Variants in STS observed in about 807,000 individuals in gnomAD.
STS encodes the protein steroid sulfatase.
In STS, 7 loss-of-function variants were observed where a neutral mutation model predicts 26.8. That is an observed-to-expected ratio of 0.26 (90% CI 0.15 to 0.49). STS has a LOEUF of 0.49. STS is among the 20% of genes least tolerant of loss of function. The pLI is 0.98. For synonymous variants in STS, 199 were observed against 189.4 expected (o/e 1.05, Z -0.42); for missense variants, 434 against 465.6 (o/e 0.93, Z 0.63).
intron 7 of STS, among the ~76,000 whole-genome samples, chrX:7,289,058 C>A (rs1925284437): frequency 8.9e-6 from 1 of 111,785 alleles, no homozygotes; most frequent in Non-Finnish European, 1.9e-5. Flanking sequence ...ATGAGGTCCT[C>A]ATGGTGGTCG....
At chrX:7,166,933 G>A (rs1933362763) in intron 1 of STS, among the ~76,000 whole-genome samples, 1 of 112,119 alleles carries the variant, frequency 8.9e-6, no homozygotes, top group Non-Finnish European at 1.9e-5. Context: ...TGGTTAAGTT[G>A]TATAGTGTTG....
chrX:7,297,319 C>T (rs748432813), intron 7 of STS, among the ~76,000 whole-genome samples: 2 of 107,356 alleles, frequency 1.9e-5, no homozygotes, highest in African/African-American at 6.8e-5. Context: ...TCAGAACCTT[C>T]ATTTTAGCAT....
chrX:7,274,391 G>C (rs1261651778), intron 6 of STS, among the ~76,000 whole-genome samples: 1 of 111,433 alleles, frequency 9.0e-6, no homozygotes, highest in Non-Finnish European at 1.9e-5. Flanking sequence ...CACTTGTCCT[G>C]TTCCCTGATA....
At chrX:7,204,926 C>G (rs771599946) in intron 2 of STS, among the ~76,000 whole-genome samples, 9 of 108,379 alleles carry the variant, frequency 8.3e-5, no homozygotes, top group African/African-American at 2.0e-4. Flanking sequence ...GCTCCCTAAT[C>G]AGTTACTTAT....
chrX:7,353,699 A>G lies in STS; in HGVS notation c.*3438A>G, dbSNP rs1325212167. On this transcript the variant is annotated 3_prime_UTR_variant, in exon 11 of 11. Transcript: ENST00000674429. ...GAAATTGGAGTGAGAAGGGCATGGT[A>G]TTGGGACTAGGATCGGCTCTCATTC... 2 of 111,387 alleles carry G rather than the reference A, an allele frequency of 1.8e-5. No homozygotes were observed. Among genetic ancestry groups the G allele is most frequent in the Admixed American group, 9.6e-5 (1 of 10,418 alleles). The allele number at this position is 111,387 out of a possible 1,213,427, so 9.2% of individuals were successfully genotyped here. A position where few individuals can be genotyped will look rare whatever the true frequency, so the allele number is the denominator to read the frequency against.
chrX:7,290,402 T>G (rs1925357041), intron 7 of STS, among the ~76,000 whole-genome samples: 1 of 112,060 alleles, frequency 8.9e-6, no homozygotes, highest in African/African-American at 3.2e-5. Context: ...CGTTCTTCTC[T>G]CACTATATAC....
In STS at chrX:7,240,045, C is replaced by T. The variant is rs371652371; in HGVS notation, c.-4-13151C>T. ...GACTACAGGCAAGCACCACCACGCC[C>T]GGCAGATTTTTTGTACTTTTAGTAG... On this transcript the variant is annotated intron_variant, in intron 2 of 10. Transcript: ENST00000674429. Among the ~76,000 whole-genome samples the T allele has an allele frequency of 7.3e-5, 8 of 109,157 alleles. No individual in the cohort carries two copies. In the South Asian group the frequency reaches 1.3e-3, roughly 17 times the overall value. The allele number at this position is 109,157 out of a possible 115,157, so 94.8% of individuals were successfully genotyped here.
At chrX:7,306,934 C>T (rs62584269) in intron 8 of STS, among the ~76,000 whole-genome samples, 22,602 of 111,188 alleles carry the variant, frequency 0.2, 1,816 homozygotes, top group South Asian at 0.33. Flanking sequence ...TGTAGTCTAT[C>T]CCTGCAGCAT....
intron 2 of STS, among the ~76,000 whole-genome samples, chrX:7,249,744 T>C (rs1360462726): frequency 2.7e-5 from 3 of 111,541 alleles, no homozygotes; most frequent in African/African-American, 6.5e-5. Flanking sequence ...GGGCAATTCA[T>C]TGAATCTCTC....
At chrX:7,195,071 A>G (rs1933948284) in intron 2 of STS, among the ~76,000 whole-genome samples, 1 of 112,358 alleles carries the variant, frequency 8.9e-6, no homozygotes. Flanking sequence ...ACCATTGTAT[A>G]TATGATTCAT....
chrX:7,282,803 TC>T (rs1924938613), intron 7 of STS, among the ~76,000 whole-genome samples: 1 of 112,232 alleles, frequency 8.9e-6, no homozygotes, highest in Admixed American at 9.5e-5. Context: ...CAAAGCCTGA[TC>T]CAAGGTGCCA....
intron 2 of STS, among the ~76,000 whole-genome samples, chrX:7,206,937 C>A (rs1048588407): frequency 2.4e-4 from 27 of 112,364 alleles, no homozygotes; most frequent in African/African-American, 7.4e-4. Flanking sequence ...GCTTGGGGGG[C>A]AATGGCTCAT....
In STS at chrX:7,329,842, C is replaced by T. The variant is rs568475927; in HGVS notation, c.1242-4144C>T. Among the ~76,000 whole-genome samples the T allele has an allele frequency of 1.6e-4, 18 of 111,812 alleles. No individual in the cohort carries two copies. The South Asian group carries it at 6.8e-3, about 42-fold the overall frequency. ...GGTGGGAGATCAGAAGCCCGTGGAT[C>T]CAAGGTTTCTACTTAAGCCAAAAGA... On this transcript the variant is annotated intron_variant, in intron 9 of 10. Coordinates refer to ENST00000674429, the MANE Select transcript of STS (RefSeq NM_001320752.2).
At chrX:7,271,712 A>G (rs1031931815) in intron 6 of STS, among the ~76,000 whole-genome samples, 3 of 104,455 alleles carry the variant, frequency 2.9e-5, no homozygotes, top group Admixed American at 2.1e-4. Flanking sequence ...GAGACAAGCC[A>G]CTCAGGATTT....
intron 2 of STS, among the ~76,000 whole-genome samples, chrX:7,250,315 A>T (rs941675514): frequency 9.1e-6 from 1 of 109,445 alleles, no homozygotes; most frequent in Admixed American, 1.0e-4. Context: ...AAATTATATT[A>T]TCTGAATGTT....
chrX:7,148,246 C>T (rs1488588317), intron 1 of STS, 163 bp downstream of exon 1: 4 of 335,299 alleles, frequency 1.2e-5, no homozygotes, highest in African/African-American at 1.1e-4. Context: ...GGCCCCTCGC[C>T]CGGCTCCGAG....
At chrX:7,151,109 C>A (rs1436481341) in intron 1 of STS, among the ~76,000 whole-genome samples, 1 of 112,244 alleles carries the variant, frequency 8.9e-6, no homozygotes, top group African/African-American at 3.2e-5. Context: ...CTTAAACATG[C>A]CATTTATTGT....
Position 7,147,989 on chromosome X carries a change from G to A in STS, c.-228G>A. On this transcript the variant is annotated 5_prime_UTR_variant, in exon 1 of 11. Coordinates refer to ENST00000674429, the MANE Select transcript of STS (RefSeq NM_001320752.2). ...GCCCCCAGGCCGTGACGTACCCCGC[G>A]CCGACCGTCCCCACGCCCACACAAG... The A allele has an allele frequency of 1.1e-6, 1 of 901,676 alleles. No individual in the cohort carries two copies. The highest frequency in any genetic ancestry group is 1.5e-6 in the Non-Finnish European group (1 of 647,828). The allele number at this position is 901,676 out of a possible 1,213,427, so 74.3% of individuals were successfully genotyped here.
At chrX:7,319,976 ATGTATATATATTTATATATATATT>A (rs1330646008) in intron 8 of STS, among the ~76,000 whole-genome samples, 4 of 86,969 alleles carry the variant, frequency 4.6e-5, no homozygotes, top group African/African-American at 2.1e-4. Context: ...TTTTATATAT[ATGTATATATATTTATATATATATT>A]TTTATATATA....
Sources: allele counts gnomAD v4.1 joint callset (sites outside exome capture counted in the v4.1 genomes callset), GRCh38; gene constraint gnomAD v4.1.1; transcripts MANE v1.5; gene names NCBI Gene and HGNC (gene_info 2026-07-23, HGNC 2026-07-21).